The following TMEM131L variants were observed in gnomAD, a reference collection of about 807,000 sequenced individuals.
TMEM131L encodes the protein transmembrane protein 131-like.
A neutral mutation model predicts 192.2 loss-of-function variants in TMEM131L; 54 were observed. That is an observed-to-expected ratio of 0.28 (90% CI 0.23 to 0.35). The LOEUF (loss-of-function observed/expected upper bound fraction) is 0.35, where lower values mean the gene tolerates loss of function less well. TMEM131L is among the 10% of genes least tolerant of loss of function. The pLI, the probability that TMEM131L is intolerant of heterozygous loss-of-function variation, is 1.00. For missense variants in TMEM131L, 1,888 were observed against 1,972.9 expected (o/e 0.96, Z 0.82); for synonymous variants, 701 against 704.9 (o/e 0.99, Z 0.09).
chr4:153,593,268 C>T (rs9307910), intron 18 of TMEM131L, among the ~76,000 whole-genome samples: 1,566 of 152,082 alleles, frequency 0.01, 16 homozygotes, highest in African/African-American at 0.029. Context: ...TCTCAGCTTT[C>T]GCAGTATTGG....
chr4:153,518,590 A>T (rs1036822565), intron 3 of TMEM131L, among the ~76,000 whole-genome samples: 1 of 152,204 alleles, frequency 6.6e-6, no homozygotes, highest in East Asian at 1.9e-4. Context: ...CAGGGAAGGG[A>T]TATAGAATAG....
intron 3 of TMEM131L, among the ~76,000 whole-genome samples, chr4:153,475,398 G>A (rs1731460163): frequency 6.6e-6 from 1 of 152,102 alleles, no homozygotes; most frequent in Non-Finnish European, 1.5e-5. Context: ...GTACTTACAA[G>A]CTTTTTCAGT....
intron 1 of TMEM131L, among the ~76,000 whole-genome samples, chr4:153,466,850 C>T (rs1730787244): frequency 6.6e-6 from 1 of 152,120 alleles, no homozygotes; most frequent in African/African-American, 2.4e-5. Flanking sequence ...CCGCAGCGGC[C>T]CGGCTTCCTG....
At chr4:153,594,436 C>G (rs940864873) in intron 19 of TMEM131L, among the ~76,000 whole-genome samples, 1 of 152,172 alleles carries the variant, frequency 6.6e-6, no homozygotes, top group Non-Finnish European at 1.5e-5. Context: ...ACTTGGCAGC[C>G]TTACTTCTCA....
rs1019780759 is a variant in TMEM131L, at chr4:153,591,203, A to G, written c.1812+9A>G. ...CCCTTAGGAGCAGGATGGTGAGGAC[A>G]GTGTGTCTTTTCATTTCTTTGTCAG... On this transcript the variant is annotated intron_variant, in intron 17 of 34. Coordinates refer to ENST00000409959, the MANE Select transcript of TMEM131L (RefSeq NM_001131007.2). 3 of 1,575,572 alleles carry G rather than the reference A, an allele frequency of 1.9e-6. No homozygotes were observed. Among genetic ancestry groups the G allele is most frequent in the Admixed American group, 1.8e-5 (1 of 55,282 alleles).
chr4:153,472,095 A>C (rs1260586723), intron 2 of TMEM131L, among the ~76,000 whole-genome samples: 1 of 152,150 alleles, frequency 6.6e-6, no homozygotes, highest in African/African-American at 2.4e-5. Flanking sequence ...AATAACTAAC[A>C]TGGGTTGGGC....
intron 15 of TMEM131L, among the ~76,000 whole-genome samples, 159 bp from the exon 16 acceptor site, chr4:153,588,731 A>G (rs1730867357): frequency 6.6e-6 from 1 of 152,172 alleles, no homozygotes; most frequent in South Asian, 2.1e-4. Context: ...CCATTGAGTT[A>G]GAGGGACTTT....
At chr4:153,633,422 TCTTG>T (rs1734359786) in intron 32 of TMEM131L, 1 of 146,920 alleles carries the variant, frequency 6.8e-6, no homozygotes, top group African/African-American at 2.5e-5. Flanking sequence ...AGAGACAGGA[TCTTG>T]CTTTGTTGCC....
intron 3 of TMEM131L, among the ~76,000 whole-genome samples, chr4:153,532,793 C>A (rs1223440839): frequency 3.3e-5 from 5 of 152,098 alleles, no homozygotes; most frequent in African/African-American, 1.2e-4. Context: ...CTTTTGGACA[C>A]AATCTCATGA....
chr4:153,592,510 G>T lies in TMEM131L; in HGVS notation c.1848G>T (p.Trp616Cys). Reference sequence around the variant, plus strand: ...TTGTGGTGCAGAACCCGTCCTCTTGGCCGGTCTCCTTGCAGCTCCTGCCTC... The same window carrying T: ...TTGTGGTGCAGAACCCGTCCTCTTGTCCGGTCTCCTTGCAGCTCCTGCCTC... Reference protein sequence around the residue: ...KYFVVQNPSSWPVSLQLLPLS... With the variant: ...KYFVVQNPSSCPVSLQLLPLS... Residue 616 changes from tryptophan to cysteine, a missense_variant, in exon 18 of 35, where the codon TGG becomes TGT. Coordinates refer to ENST00000409959, the MANE Select transcript of TMEM131L (RefSeq NM_001131007.2). 1 of 1,614,064 alleles carries T rather than the reference G, an allele frequency of 6.2e-7. No individual in the cohort carries two copies. The highest frequency in any genetic ancestry group is 8.5e-7 in the Non-Finnish European group (1 of 1,179,992).
At chr4:153,616,082 C>T (rs1389287450) in intron 26 of TMEM131L, among the ~76,000 whole-genome samples, 1 of 152,176 alleles carries the variant, frequency 6.6e-6, no homozygotes, top group African/African-American at 2.4e-5. Flanking sequence ...AAGACCCTCC[C>T]TCCTTGTTTG....
chr4:153,539,125 A>G (rs2150315781), intron 3 of TMEM131L, among the ~76,000 whole-genome samples: 2 of 152,312 alleles, frequency 1.3e-5, no homozygotes, highest in South Asian at 4.1e-4. Flanking sequence ...TCAAGGAAAA[A>G]TTGCTTTTCA....
chr4:153,491,652 T>G (rs1048207180), intron 3 of TMEM131L, among the ~76,000 whole-genome samples: 1 of 152,154 alleles, frequency 6.6e-6, no homozygotes, highest in Admixed American at 6.6e-5. Context: ...ATATAATTAG[T>G]CTCTGGATAT....
chr4:153,515,058 T>C (rs1173556274), intron 3 of TMEM131L, among the ~76,000 whole-genome samples: 2 of 152,210 alleles, frequency 1.3e-5, no homozygotes. Flanking sequence ...GTGATCCACC[T>C]GCCTCGGCCT....
chr4:153,578,259 G>A (rs921866143), intron 7 of TMEM131L, among the ~76,000 whole-genome samples: 2 of 152,218 alleles, frequency 1.3e-5, no homozygotes, highest in African/African-American at 4.8e-5. Context: ...AGGAGGCTGA[G>A]GTGGGAGGAT....
At chr4:153,552,768 A>G (rs1035367361) in intron 4 of TMEM131L, among the ~76,000 whole-genome samples, 5 of 152,238 alleles carry the variant, frequency 3.3e-5, no homozygotes, top group African/African-American at 1.2e-4. Context: ...CAGGAGTTCA[A>G]GGTTACTGTG....
intron 25 of TMEM131L, among the ~76,000 whole-genome samples, chr4:153,609,909 C>G (rs947975519): frequency 6.6e-6 from 1 of 152,064 alleles, no homozygotes; most frequent in Non-Finnish European, 1.5e-5. Context: ...TGGTACGGAC[C>G]CTGTCTGCCT....
intron 3 of TMEM131L, among the ~76,000 whole-genome samples, chr4:153,534,580 T>C (rs187425746): frequency 0.012 from 1,804 of 152,226 alleles, 35 homozygotes; most frequent in African/African-American, 0.041. Context: ...ACTACAGGCG[T>C]GTGCTACCAC....
chr4:153,632,849 A>G lies in TMEM131L; in HGVS notation c.4328+11A>G. 5 of 1,613,906 alleles carry G rather than the reference A, an allele frequency of 3.1e-6. No homozygotes were observed. Among genetic ancestry groups the G allele is most frequent in the Non-Finnish European group, 4.2e-6 (5 of 1,179,918 alleles). ...CCCGGTTCATAATAGGTACAGCTTC[A>G]CTTCTCTGATTGGTGCCTTGCTTAG... On this transcript the variant is annotated intron_variant, in intron 32 of 34. Coordinates refer to ENST00000409959, the MANE Select transcript of TMEM131L (RefSeq NM_001131007.2).
Sources: allele counts gnomAD v4.1 joint callset (sites outside exome capture counted in the v4.1 genomes callset), GRCh38; gene constraint gnomAD v4.1.1; transcripts MANE v1.5; gene names NCBI Gene and HGNC (gene_info 2026-07-23, HGNC 2026-07-21).